Variants in BTBD1 observed in about 807,000 individuals in gnomAD.
BTBD1 encodes the protein BTB domain containing 1.
Under a neutral mutation model 48.0 loss-of-function variants are expected in BTBD1, and 34 were observed. The observed-to-expected ratio is 0.71, with a 90% confidence interval of 0.54 to 0.94. BTBD1 has a LOEUF of 0.94. BTBD1 is among the 40% of genes least tolerant of loss of function. The probability of loss-of-function intolerance (pLI) is 0.00; values close to 1 mark genes in which losing one functional copy is unlikely to be tolerated. For synonymous variants in BTBD1, 261 were observed against 242.1 expected, an observed-to-expected ratio of 1.08 and a Z score of -0.72; for missense variants, 543 against 625.6, an observed-to-expected ratio of 0.87 and a Z score of 1.41.
At chr15:83,051,904 A>ACACACACC (rs61375537) in intron 2 of BTBD1, among the ~76,000 whole-genome samples, 1 of 149,882 alleles carries the variant, frequency 6.7e-6, no homozygotes, top group Non-Finnish European at 1.5e-5. Context: ...ACACACACAC[A>ACACACACC]TCTATCTGGG....
chr15:83,057,261 G>C (rs945551026), intron 1 of BTBD1, among the ~76,000 whole-genome samples: 1 of 152,152 alleles, frequency 6.6e-6, no homozygotes, highest in Non-Finnish European at 1.5e-5. Flanking sequence ...GTGCCATACA[G>C]TAAGGCCAAG....
At position 83,021,792 on chromosome 15, in the gene BTBD1, A is replaced by G. The variant is rs2032304847; in HGVS notation, c.1056-1030T>C. Among the ~76,000 whole-genome samples, 5 of 144,094 alleles carry G rather than the reference A, an allele frequency of 3.5e-5. No individual in the cohort carries two copies. The Admixed American group carries it at 3.5e-4, about 10-fold the overall frequency. 94.5% of individuals were successfully genotyped at this position (144,094 alleles called of 152,430 possible). On this transcript the variant is annotated intron_variant, in intron 5 of 7. Coordinates refer to ENST00000261721, the MANE Select transcript of BTBD1 (RefSeq NM_025238.4). ...AATACATATGGAACTAAAAGCCTGT[A>G]AAATCTGACATAATTATAATGTCTT...
At chr15:83,060,300 A>G (rs1479729252) in intron 1 of BTBD1, among the ~76,000 whole-genome samples, 1 of 152,026 alleles carries the variant, frequency 6.6e-6, no homozygotes, top group East Asian at 1.9e-4. Context: ...AACTAAGCCA[A>G]GGTTTTTAAA....
At chr15:83,035,565 G>C (rs892832958) in intron 4 of BTBD1, among the ~76,000 whole-genome samples, 1 of 149,866 alleles carries the variant, frequency 6.7e-6, no homozygotes, top group Non-Finnish European at 1.5e-5. Context: ...TAAAAACTGT[G>C]GGGGGGAAGG....
At position 83,050,890 on chromosome 15, in the gene BTBD1, G is replaced by A. The variant is rs530262078; in HGVS notation, c.559-712C>T. On this transcript the variant is annotated intron_variant, in intron 2 of 7. Coordinates refer to ENST00000261721, the MANE Select transcript of BTBD1 (RefSeq NM_025238.4). ...TATAAATGAACCACACAAACCTAATGATGAGCAAAAAAGCCAGAATATATA... is the reference window on the plus strand; with the variant it reads ...TATAAATGAACCACACAAACCTAATAATGAGCAAAAAAGCCAGAATATATA... Among the ~76,000 whole-genome samples, 19 of 152,122 alleles carry A rather than the reference G, an allele frequency of 1.2e-4. 2 individuals carry two copies. The South Asian group carries it at 2.9e-3, about 23-fold the overall frequency.
chr15:83,032,969 CAAA>C (rs56152195), intron 4 of BTBD1, among the ~76,000 whole-genome samples: 3 of 87,008 alleles, frequency 3.4e-5, no homozygotes, highest in African/African-American at 5.0e-5. Context: ...TACTCTGTCT[CAAA>C]AAAAAAAAAA....
intron 4 of BTBD1, among the ~76,000 whole-genome samples, chr15:83,034,522 G>A (rs1261453311): frequency 2.0e-5 from 3 of 152,198 alleles, no homozygotes; most frequent in Admixed American, 1.3e-4. Flanking sequence ...GCTGAGGCAT[G>A]AGAATTGCCT....
At chr15:83,041,674 C>G in intron 4 of BTBD1, 54 bp downstream of exon 4, 1 of 1,560,038 alleles carries the variant, frequency 6.4e-7, no homozygotes, top group Non-Finnish European at 8.8e-7. Context: ...AGGCCCAGCC[C>G]TGACAGACTA....
chr15:83,053,506 A>G (rs1268113548), intron 2 of BTBD1, among the ~76,000 whole-genome samples: 1 of 152,182 alleles, frequency 6.6e-6, no homozygotes, highest in East Asian at 1.9e-4. Context: ...CTGAGGCCCT[A>G]TTCTGGTCCT....
At chr15:83,044,420 G>A (rs1260483366) in intron 3 of BTBD1, 22 of 1,578,266 alleles carry the variant, frequency 1.4e-5, no homozygotes, top group Non-Finnish European at 1.7e-5. Flanking sequence ...GACAGCAAAC[G>A]CTTTGATGAA....
chr15:83,066,171 T>C (rs535587176), intron 1 of BTBD1, among the ~76,000 whole-genome samples: 2 of 152,058 alleles, frequency 1.3e-5, no homozygotes, highest in Admixed American at 1.3e-4. Flanking sequence ...TGGTGGCGCG[T>C]GCCTGTAGTC....
chr15:83,047,712 G>A (rs562494540), intron 3 of BTBD1, among the ~76,000 whole-genome samples: 4 of 152,224 alleles, frequency 2.6e-5, no homozygotes, highest in Admixed American at 1.3e-4. Context: ...CAACAAGAAC[G>A]AACTACCTAT....
Position 83,020,664 on chromosome 15 carries a change from G to A in BTBD1, c.1143+11C>T. 1.3e-6 allele frequency: 2 copies of A among 1,532,380 alleles called. No homozygotes were observed. The highest frequency in any genetic ancestry group is 1.8e-6 in the Non-Finnish European group (2 of 1,114,172). 94.9% of individuals were successfully genotyped at this position (1,532,380 alleles called of 1,614,324 possible). On this transcript the variant is annotated intron_variant, in intron 6 of 7. Transcript: ENST00000261721. ...TTTCAAAATGATATATGGTGGGGGA[G>A]GAAACTGTACCTGTATATTCACTTG...
chr15:83,046,467 C>T (rs549806867), intron 3 of BTBD1, among the ~76,000 whole-genome samples: 18 of 152,240 alleles, frequency 1.2e-4, no homozygotes, highest in Non-Finnish European at 2.4e-4. Context: ...TTCAAATAAA[C>T]AACTGTGAGT....
chr15:83,043,071 A>G (rs965324564), intron 3 of BTBD1, among the ~76,000 whole-genome samples: 2 of 152,188 alleles, frequency 1.3e-5, no homozygotes, highest in Non-Finnish European at 2.9e-5. Context: ...CGAGCCTGGG[A>G]GGTTGCAGGC....
In BTBD1 at chr15:83,018,195, A is replaced by C; in HGVS notation, c.1321T>G (p.Leu441Val). ...GGTGTCTCATGCACTACTTTCTTCAATCCTTTTGTGCCATAGTGGGAATCT... is the reference window on the plus strand; with the variant it reads ...GGTGTCTCATGCACTACTTTCTTCACTCCTTTTGTGCCATAGTGGGAATCT... The part of the protein sequence containing the change: ...GPDSHYGTKG[L>V]KKVVHETPAA... The change falls in exon 8 of 8, where the codon TTG becomes GTG. Residue 441 changes from leucine to valine, a missense_variant. Around this residue, in one of 3 missense-constraint regions of BTBD1, gnomAD observed 300 missense variants for 350.0 expected, o/e 0.86. Transcript: ENST00000261721. 6.2e-7 allele frequency: 1 copy of C among 1,605,316 alleles called. No individual in the cohort carries two copies. Among genetic ancestry groups the C allele is most frequent in the Non-Finnish European group, 8.5e-7 (1 of 1,176,242 alleles).
chr15:83,023,917 G>A (rs564042310), intron 5 of BTBD1, among the ~76,000 whole-genome samples: 75 of 152,138 alleles, frequency 4.9e-4, no homozygotes, highest in African/African-American at 1.5e-3. Flanking sequence ...AACCAGTCTG[G>A]AGTGCAATGG....
At chr15:83,034,126 T>G (rs1391747868) in intron 4 of BTBD1, among the ~76,000 whole-genome samples, 1 of 149,912 alleles carries the variant, frequency 6.7e-6, no homozygotes, top group East Asian at 2.0e-4. Flanking sequence ...AAAAGAAAGT[T>G]TAATAGACTA....
In BTBD1 at chr15:83,056,539, T is replaced by G. The variant is rs753158383; in HGVS notation, c.408A>C (p.Leu136=). Residue 136 remains leucine (L), a synonymous_variant, in exon 2 of 8, where the codon CTA becomes CTC. Coordinates refer to ENST00000261721, the MANE Select transcript of BTBD1 (RefSeq NM_025238.4). ...PAAFLALLRF[L]YSDEVQIGPE... ...GACCAATTTGAACTTCATCTGAATA[T>G]AGAAATCTGGAAAACAATTGGCATA... 1.9e-6 allele frequency: 3 copies of G among 1,613,170 alleles called. No homozygotes were observed. The highest frequency in any genetic ancestry group is 2.5e-6 in the Non-Finnish European group (3 of 1,179,502).
Sources: allele counts gnomAD v4.1 joint callset (sites outside exome capture counted in the v4.1 genomes callset), GRCh38; gene constraint gnomAD v4.1.1; regional missense constraint gnomAD v4.1.1; transcripts MANE v1.5; gene names NCBI Gene and HGNC (gene_info 2026-07-23, HGNC 2026-07-21).